SSBP3: variants seen among roughly 807,000 people sequenced by gnomAD.
SSBP3 encodes single-stranded DNA-binding protein 3.
Under a neutral mutation model 69.6 loss-of-function variants are expected in SSBP3, and 5 were observed. That is an observed-to-expected ratio of 0.07 (90% CI 0.04 to 0.15). The LOEUF (loss-of-function observed/expected upper bound fraction) is 0.15, where lower values mean the gene tolerates loss of function less well. Ranked by LOEUF, SSBP3 falls within the 10% of genes least tolerant of loss-of-function variation. SSBP3 has a pLI of 1.00. For missense variants in SSBP3, 312 were observed against 534.0 expected (o/e 0.58, Z 4.10); for synonymous variants, 196 against 193.4 (o/e 1.01, Z -0.11).
At chr1:54,369,438 G>A (rs1200365629) in intron 4 of SSBP3, among the ~76,000 whole-genome samples, 1 of 152,160 alleles carries the variant, frequency 6.6e-6, no homozygotes, top group Non-Finnish European at 1.5e-5. Flanking sequence ...GAAAACCAAG[G>A]TCAAGAATAT....
chr1:54,278,932 G>C (rs1645340326), intron 5 of SSBP3, among the ~76,000 whole-genome samples: 1 of 152,222 alleles, frequency 6.6e-6, no homozygotes. Context: ...CCTGTTGTAA[G>C]CAGGCCTACT....
intron 4 of SSBP3, among the ~76,000 whole-genome samples, chr1:54,291,170 G>A (rs1028106284): frequency 1.3e-5 from 2 of 151,076 alleles, no homozygotes; most frequent in Non-Finnish European, 2.9e-5. Flanking sequence ...TTTTTTTTAA[G>A]TTTAAAATAA....
rs1644641049 is a variant in SSBP3, at chr1:54,241,692, G to GAACTGACC, written c.766-191_766-184dup. On this transcript the variant is annotated intron_variant, in intron 11 of 17. Transcript: ENST00000610401. Reference sequence around the variant, plus strand: ...GAAGCCCAGTTCTCTCTGCTACATTGAACTGACCCTGAGACCCTGGTCTCT... The same window carrying GAACTGACC: ...GAAGCCCAGTTCTCTCTGCTACATTGAACTGACCAACTGACCCTGAGACCCTGGTCTCT... Among the ~76,000 whole-genome samples, 9 of 152,222 alleles carry GAACTGACC rather than the reference G, an allele frequency of 5.9e-5. 1 individual carries two copies. In the South Asian group the frequency reaches 1.9e-3, roughly 31 times the overall value.
chr1:54,250,049 C>G (rs1644799794), intron 9 of SSBP3, among the ~76,000 whole-genome samples: 1 of 152,226 alleles, frequency 6.6e-6, no homozygotes, highest in Non-Finnish European at 1.5e-5. Context: ...GGAGGGAGAG[C>G]TGTATCTGAC....
chr1:54,322,726 C>T (rs1305832638), intron 4 of SSBP3, among the ~76,000 whole-genome samples: 2 of 152,074 alleles, frequency 1.3e-5, no homozygotes, highest in Admixed American at 6.5e-5. Context: ...TCTCCCTACC[C>T]CCCAACCCCG....
intron 4 of SSBP3, among the ~76,000 whole-genome samples, chr1:54,310,296 C>T (rs943207534): frequency 3.9e-5 from 6 of 152,266 alleles, no homozygotes; most frequent in African/African-American, 1.4e-4. Flanking sequence ...CCGCAGGCTC[C>T]GTCACTACCT....
intron 4 of SSBP3, among the ~76,000 whole-genome samples, chr1:54,334,569 AT>A (rs1053300367): frequency 2.6e-5 from 4 of 152,144 alleles, no homozygotes; most frequent in Non-Finnish European, 5.9e-5. Context: ...GCAGTTTAAC[AT>A]TGGTCAAGTA....
At chr1:54,382,116 C>T (rs1001268911) in intron 4 of SSBP3, among the ~76,000 whole-genome samples, 2 of 151,954 alleles carry the variant, frequency 1.3e-5, no homozygotes, top group African/African-American at 4.8e-5. Context: ...ATTGCTTGAA[C>T]CCAGGAGGCA....
chr1:54,253,808 C>A (rs1463405086), intron 7 of SSBP3, among the ~76,000 whole-genome samples: 2 of 152,338 alleles, frequency 1.3e-5, no homozygotes, highest in East Asian at 3.9e-4. Context: ...CCATCCAACC[C>A]AGACAGTGCA....
chr1:54,406,474 G>C (rs2100840393), upstream of SSBP3: 1 of 152,476 alleles, frequency 6.6e-6, no homozygotes, highest in Non-Finnish European at 1.5e-5. Context: ...TGGCCGCCTC[G>C]GCCAATCGGC....
chr1:54,343,743 A>G (rs1646646740), intron 4 of SSBP3, among the ~76,000 whole-genome samples: 1 of 152,212 alleles, frequency 6.6e-6, no homozygotes, highest in African/African-American at 2.4e-5. Context: ...CTTGACACAC[A>G]TAAGGTCACC....
intron 13 of SSBP3, among the ~76,000 whole-genome samples, 157 bp from the exon 14 acceptor site, chr1:54,239,356 C>T (rs1006809485): frequency 2.0e-5 from 3 of 152,228 alleles, no homozygotes; most frequent in African/African-American, 7.2e-5. Flanking sequence ...TGAAGATTCA[C>T]AAAGTTTTTA....
intron 4 of SSBP3, among the ~76,000 whole-genome samples, chr1:54,394,695 C>CTTTTT (rs544898836): frequency 3.5e-4 from 34 of 97,148 alleles, no homozygotes; most frequent in Non-Finnish European, 4.3e-4. Context: ...CTTAAGACTC[C>CTTTTT]TTTTTTTTTT....
intron 4 of SSBP3, among the ~76,000 whole-genome samples, chr1:54,391,725 G>A (rs1355579492): frequency 6.6e-6 from 1 of 152,246 alleles, no homozygotes; most frequent in Non-Finnish European, 1.5e-5. Flanking sequence ...ACCTGCCCTG[G>A]AAGCTGTGCA....
chr1:54,320,483 AT>A (rs34877518), intron 4 of SSBP3, among the ~76,000 whole-genome samples: 54,106 of 151,590 alleles, frequency 0.36, 11,175 homozygotes, highest in African/African-American at 0.56. Context: ...ATGCTGGCTA[AT>A]TTTTTTTGTA....
At chr1:54,314,977 C>G (rs913708961) in intron 4 of SSBP3, among the ~76,000 whole-genome samples, 2 of 152,172 alleles carry the variant, frequency 1.3e-5, no homozygotes, top group Admixed American at 6.5e-5. Flanking sequence ...TCACTCGGCC[C>G]TGATCATCCA....
chr1:54,230,247 C>A (rs1009208670), intron 14 of SSBP3, among the ~76,000 whole-genome samples: 5 of 152,140 alleles, frequency 3.3e-5, no homozygotes, highest in Admixed American at 3.3e-4. Context: ...AAGCAGCTCA[C>A]AGGCTTTTGG....
At chr1:54,237,864 C>G (rs1238793783) in intron 14 of SSBP3, 2 of 334,518 alleles carry the variant, frequency 6.0e-6, no homozygotes, top group Non-Finnish European at 1.2e-5. Flanking sequence ...GTGATGTGAT[C>G]CATGGTGAAT....
rs187363425 is a variant in SSBP3 at position 54,313,952 on chromosome 1, C to T, written c.277-32425G>A. ...CTAATTTTTGTATTTTTAGTAGAGA[C>T]GGGGTTTCACCATGTTATCCAGGCT... On this transcript the variant is annotated intron_variant, in intron 4 of 17. Transcript: ENST00000610401. 6.9e-3 allele frequency among the ~76,000 whole-genome samples: 1,045 copies of T among 152,136 alleles called. 11 individuals carry two copies. The highest frequency in any genetic ancestry group is 0.024 in the African/African-American group (977 of 41,490).
Sources: gnomAD v4.1 joint callset for allele counts (sites outside exome capture counted in the v4.1 genomes callset) on GRCh38, gnomAD v4.1.1 for gene constraint, MANE v1.5 for transcripts, NCBI Gene and HGNC (gene_info 2026-07-23, HGNC 2026-07-21) for gene names.